Variants in GANAB observed in about 807,000 individuals in gnomAD.
GANAB encodes the protein glucosidase II alpha subunit.
GANAB carries 35 observed loss-of-function variants against 129.9 expected under a neutral mutation model. The observed-to-expected ratio is 0.27, with a 90% CI of 0.21 to 0.36. The LOEUF is 0.36. GANAB is among the 10% of genes least tolerant of loss of function. GANAB has a pLI of 1.00. For missense variants in GANAB, 939 were observed against 1,221.0 expected (o/e 0.77, Z 3.44); for synonymous variants, 482 against 451.8 (o/e 1.07, Z -0.85).
chr11:62,636,880 T>G (rs1485447465), intron 4 of GANAB, among the ~76,000 whole-genome samples: 1 of 152,000 alleles, frequency 6.6e-6, no homozygotes, highest in Admixed American at 6.6e-5. Context: ...TGAGCCAAGA[T>G]CGCACTACTG....
chr11:62,642,535 A>G (rs879644092), intron 1 of GANAB, among the ~76,000 whole-genome samples: 1 of 151,876 alleles, frequency 6.6e-6, no homozygotes, highest in African/African-American at 2.4e-5. Flanking sequence ...CCTGGGTTCA[A>G]GCGATTCTCC....
At chr11:62,634,488 A>C in intron 5 of GANAB, 1 of 727,582 alleles carries the variant, frequency 1.4e-6, no homozygotes, top group South Asian at 1.5e-5. Flanking sequence ...GGGGGGAAAA[A>C]GAAACCAAAA....
In GANAB at chr11:62,645,028, A is replaced by G. The variant is rs185461450; in HGVS notation, c.38+1534T>C. Reference sequence around the variant, plus strand: ...AGGACTCTCCTCCAGCTCCAGAGGAATGTACGAAACAACTGTTCCACAGCA... The same window carrying G: ...AGGACTCTCCTCCAGCTCCAGAGGAGTGTACGAAACAACTGTTCCACAGCA... On this transcript the variant is annotated intron_variant, in intron 1 of 23. Transcript: ENST00000356638. Among the ~76,000 whole-genome samples, 37 of 152,174 alleles carry G rather than the reference A, an allele frequency of 2.4e-4. No individual in the cohort carries two copies. In the East Asian group the frequency reaches 7.0e-3, roughly 29 times the overall value.
chr11:62,629,252 C>T lies in GANAB; in HGVS notation c.1878G>A (p.Leu626=), dbSNP rs1409087863. 6.2e-7 allele frequency: 1 copy of T among 1,613,770 alleles called. No homozygotes were observed. The highest frequency in any genetic ancestry group is 8.5e-7 in the Non-Finnish European group (1 of 1,179,690). ...TGDNTAEWDH[L]KISIPMCLSL... ...TGAGACACATAGGAATAGAGATCTT[C>T]AAATGGTCCCACTCGGCAGTGTTGT... Residue 626 remains leucine (L), a synonymous_variant, in exon 16 of 24, where the codon TTG becomes TTA. Coordinates refer to ENST00000356638, the MANE Select transcript of GANAB (RefSeq NM_198334.3).
intron 15 of GANAB, 27 bp from the exon 16 acceptor site, chr11:62,629,322 T>C (rs781102417): frequency 1.0e-4 from 150 of 1,487,480 alleles, no homozygotes; most frequent in Non-Finnish European, 1.3e-4. Context: ...GTGGGGAGCT[T>C]GCACATGGTA....
At position 62,625,804 on chromosome 11, in the gene GANAB, C is replaced by T. The variant is rs200956498; in HGVS notation, c.*11G>A. The T allele has an allele frequency of 1.8e-5, 27 of 1,518,082 alleles. No homozygotes were observed. The African/African-American group carries it at 3.6e-4, about 20-fold the overall frequency. The allele number at this position is 1,518,082 out of a possible 1,614,324, so 94.0% of individuals were successfully genotyped here. On this transcript the variant is annotated 3_prime_UTR_variant, in exon 24 of 24. Coordinates refer to ENST00000356638, the MANE Select transcript of GANAB (RefSeq NM_198334.3). ...CCCCTTCCCTCCCCCTAACCCAGAA[C>T]ATCCCTTGGGTTATCGCAGGTGAAT...
intron 1 of GANAB, among the ~76,000 whole-genome samples, chr11:62,645,097 A>G (rs1041752934): frequency 1.3e-5 from 2 of 152,104 alleles, no homozygotes; most frequent in African/African-American, 4.8e-5. Context: ...CTGTGGTTTA[A>G]TAGGCCAAGC....
Position 62,630,213 on chromosome 11 carries a change from C to A in GANAB, c.1577G>T (p.Ser526Ile), listed in dbSNP as rs1437867629. ...CTTCCCTACCTCATAATTGTCATAG[C>A]TGAACATGTTAGCCCACCAGGCCCT... ...TMRAWWANMFSYDNYEGSAPN... is the reference protein window; with the variant it reads ...TMRAWWANMFIYDNYEGSAPN... The change falls in exon 13 of 24, where the codon AGC (serine) becomes ATC (isoleucine). Residue 526 changes from serine to isoleucine, a missense_variant. Physicochemically the swap from Ser to Ile is moderately radical, Grantham distance 142. Around this residue, in one of 5 missense-constraint regions of GANAB, gnomAD observed 147 missense variants for 282.4 expected, o/e 0.52. Transcript: ENST00000356638. The A allele has an allele frequency of 6.2e-7, 1 of 1,612,250 alleles. No individual in the cohort carries two copies. The highest frequency in any genetic ancestry group is 8.5e-7 in the Non-Finnish European group (1 of 1,178,614).
rs1300366215 is a variant in GANAB, at chr11:62,625,358, A to T, written c.*457T>A. 2.2e-6 allele frequency: 1 copy of T among 449,416 alleles called. No homozygotes were observed. The highest frequency in any genetic ancestry group is 1.6e-5 in the South Asian group (1 of 63,652). 27.8% of individuals were successfully genotyped at this position (449,416 alleles called of 1,614,324 possible). On this transcript the variant is annotated 3_prime_UTR_variant, in exon 24 of 24. Coordinates refer to ENST00000356638, the MANE Select transcript of GANAB (RefSeq NM_198334.3). ...AGGGGAGTAAAGCCTGGAGGAAGAAATGAAAGGTGGGAGAGCAATCTGGTG... is the reference window on the plus strand; with the variant it reads ...AGGGGAGTAAAGCCTGGAGGAAGAATTGAAAGGTGGGAGAGCAATCTGGTG...
rs147731392 is a variant in GANAB at position 62,637,269 on chromosome 11, T to C, written c.380+1714A>G. ...CTATCAATTCACTAGGTATCACAAATGAACCATAGTCATATTAATAATAGG... is the reference window on the plus strand; with the variant it reads ...CTATCAATTCACTAGGTATCACAAACGAACCATAGTCATATTAATAATAGG... On this transcript the variant is annotated intron_variant, in intron 4 of 23. Coordinates refer to ENST00000356638, the MANE Select transcript of GANAB (RefSeq NM_198334.3). Among the ~76,000 whole-genome samples the C allele has an allele frequency of 3.7e-3, 559 of 152,290 alleles. 7 individuals carry two copies. Among genetic ancestry groups the C allele is most frequent in the East Asian group, 0.03 (158 of 5,184 alleles).
intron 1 of GANAB, among the ~76,000 whole-genome samples, chr11:62,644,776 T>C (rs1349300773): frequency 6.6e-6 from 1 of 151,984 alleles, no homozygotes; most frequent in African/African-American, 2.4e-5. Flanking sequence ...TAAGCCGAGA[T>C]TGCACCCCTG....
intron 1 of GANAB, among the ~76,000 whole-genome samples, chr11:62,645,876 T>G (rs990411965): frequency 3.9e-5 from 6 of 152,220 alleles, no homozygotes; most frequent in African/African-American, 1.4e-4. Context: ...TAGGTCCTAG[T>G]AAACATTTGT....
Position 62,631,162 on chromosome 11 carries a change from C to A in GANAB, c.1018G>T (p.Asp340Tyr). 6.3e-7 allele frequency: 1 copy of A among 1,593,136 alleles called. No homozygotes were observed. The highest frequency in any genetic ancestry group is 8.6e-7 in the Non-Finnish European group (1 of 1,162,750). Residue 340 changes from aspartate (D) to tyrosine (Y), a missense_variant, in exon 10 of 24, where the codon GAC (aspartate) becomes TAC (tyrosine). Asp to Tyr is a radical substitution (Grantham distance 160). Coordinates refer to ENST00000356638, the MANE Select transcript of GANAB (RefSeq NM_198334.3). ...AGKTLFGKMM[D>Y]YLQGSGETPQ... ...GTCTCCCCAGAGCCCTGCAGGTAGTCCATCATCTTCCCAAACAGGGTCTGT... is the reference window on the plus strand; with the variant it reads ...GTCTCCCCAGAGCCCTGCAGGTAGTACATCATCTTCCCAAACAGGGTCTGT...
At chr11:62,627,946 C>G (rs2134464574) in intron 17 of GANAB, among the ~76,000 whole-genome samples, 1 of 152,354 alleles carries the variant, frequency 6.6e-6, no homozygotes, top group Admixed American at 6.5e-5. Context: ...ACCGCCCTGG[C>G]TTACAACCCT....
Position 62,633,177 on chromosome 11 carries a change from C to G in GANAB, c.718+7G>C, listed in dbSNP as rs1306908606. 6.2e-7 allele frequency: 1 copy of G among 1,612,778 alleles called. No individual in the cohort carries two copies. The highest frequency in any genetic ancestry group is 1.7e-5 in the Admixed American group (1 of 59,996). ...GCACCCCAGCCCAAGGAACCCGAGC[C>G]CCTCACCATACGGCTTGCTGTCAGA... On this transcript the variant is annotated splice_region_variant and intron_variant, in intron 7 of 23. Transcript: ENST00000356638.
At position 62,639,071 on chromosome 11, in the gene GANAB, T is replaced by C. The variant is rs762692505; in HGVS notation, c.292A>G (p.Met98Val). The C allele has an allele frequency of 1.2e-6, 2 of 1,613,934 alleles. No homozygotes were observed. ...AGCTCATCAATCCTGAACCGAGTCA[T>C]GTTCTTTTGAAGCCCCTGAAGCTCT... ...VLELQGLQKN[M>V]TRFRIDELEP... Residue 98 changes from methionine (M) to valine (V), a missense_variant, in exon 4 of 24, where the codon ATG becomes GTG. By Grantham distance (21) the Met-to-Val change is conservative. Coordinates refer to ENST00000356638, the MANE Select transcript of GANAB (RefSeq NM_198334.3).
chr11:62,630,133 G>A (rs1030820509), intron 13 of GANAB, 64 bp downstream of exon 13: 17 of 1,405,176 alleles, frequency 1.2e-5, no homozygotes, highest in East Asian at 2.3e-5. Flanking sequence ...TTGGCAAGCC[G>A]AGAGAGATTC....
At chr11:62,645,535 C>A (rs1381947409) in intron 1 of GANAB, among the ~76,000 whole-genome samples, 1 of 18,122 alleles carries the variant, frequency 5.5e-5, no homozygotes, top group African/African-American at 1.3e-4. Context: ...GACTCTGTCT[C>A]TCAAAAAAAA....
intron 9 of GANAB, 152 bp from the exon 10 acceptor site, chr11:62,631,335 C>A: frequency 1.6e-6 from 1 of 629,758 alleles, no homozygotes; most frequent in Non-Finnish European, 2.7e-6. Context: ...TTCAGTGAGG[C>A]TTTCCTAGAC....
Sources: gnomAD v4.1 joint callset for allele counts (sites outside exome capture counted in the v4.1 genomes callset) on GRCh38, gnomAD v4.1.1 for gene constraint, gnomAD v4.1.1 regional missense constraint, MANE v1.5 for transcripts, NCBI Gene and HGNC (gene_info 2026-07-23, HGNC 2026-07-21) for gene names.